The following NELL2 variants were observed in gnomAD, a reference collection of about 807,000 sequenced individuals.
NELL2 encodes the protein protein kinase C-binding protein NELL2.
Under a neutral mutation model 109.6 loss-of-function variants are expected in NELL2, and 41 were observed. The observed-to-expected ratio is 0.37, with a 90% CI of 0.29 to 0.49. The LOEUF is 0.49. Ranked by LOEUF, NELL2 falls within the 20% of genes least tolerant of loss-of-function variation. The pLI, the probability that NELL2 is intolerant of heterozygous loss-of-function variation, is 0.98. For missense variants in NELL2, 900 were observed against 1,008.3 expected, an observed-to-expected ratio of 0.89 and a Z score of 1.45; for synonymous variants, 355 against 344.7, an observed-to-expected ratio of 1.03 and a Z score of -0.33.
intron 13 of NELL2, among the ~76,000 whole-genome samples, chr12:44,619,296 T>A (rs894888438): frequency 6.6e-6 from 1 of 152,148 alleles, no homozygotes; most frequent in Non-Finnish European, 1.5e-5. Flanking sequence ...AAGAAATAAT[T>A]ACTGGACGCT....
chr12:44,673,209 A>T (rs61932372), intron 12 of NELL2, among the ~76,000 whole-genome samples: 1 of 152,244 alleles, frequency 6.6e-6, no homozygotes, highest in African/African-American at 2.4e-5. Flanking sequence ...GCAAAGTTAC[A>T]TAAAAGTCAT....
At chr12:44,851,762 A>T (rs967269168) in intron 2 of NELL2, 2 of 152,162 alleles carry the variant, frequency 1.3e-5, no homozygotes, top group East Asian at 3.9e-4. Context: ...GAAATGGCCT[A>T]TTTCAGTTTC....
intron 9 of NELL2, among the ~76,000 whole-genome samples, chr12:44,772,965 G>A (rs911046828): frequency 6.6e-6 from 1 of 152,054 alleles, no homozygotes; most frequent in Non-Finnish European, 1.5e-5. Flanking sequence ...CATGTTTATT[G>A]GGAAGAATTC....
intron 13 of NELL2, among the ~76,000 whole-genome samples, chr12:44,636,899 G>A (rs1177766511): frequency 1.3e-5 from 2 of 151,978 alleles, no homozygotes; most frequent in Non-Finnish European, 2.9e-5. Context: ...TTTTTGCTTG[G>A]TAGGCTATTA....
chr12:44,812,258 T>C (rs1250011778), intron 3 of NELL2, among the ~76,000 whole-genome samples: 1 of 152,126 alleles, frequency 6.6e-6, no homozygotes, highest in African/African-American at 2.4e-5. Context: ...ACCAAGAAAG[T>C]GTCTCCAAAG....
intron 3 of NELL2, among the ~76,000 whole-genome samples, chr12:44,796,086 C>T (rs1942610084): frequency 2.0e-5 from 3 of 151,962 alleles, no homozygotes; most frequent in African/African-American, 4.8e-5. Context: ...CCCTCCCCAT[C>T]CAAAGAGGAT....
chr12:44,860,066 A>G (rs884260), intron 2 of NELL2, among the ~76,000 whole-genome samples: 121,455 of 152,124 alleles, frequency 0.8, 48,937 homozygotes, highest in Middle Eastern at 0.94. Flanking sequence ...TTTGAAAAAA[A>G]AATACAATAA....
intron 13 of NELL2, among the ~76,000 whole-genome samples, chr12:44,650,742 G>C (rs1003650333): frequency 1.5e-5 from 2 of 136,998 alleles, no homozygotes; most frequent in Admixed American, 1.5e-4. Context: ...AGAGATACCA[G>C]AGAGGTCTCT....
intron 15 of NELL2, among the ~76,000 whole-genome samples, chr12:44,591,818 T>C (rs562111024): frequency 2.0e-5 from 3 of 152,314 alleles, no homozygotes; most frequent in East Asian, 3.9e-4. Context: ...GATATGCTAA[T>C]TACCTGATTT....
chr12:44,549,675 A>T (rs190000135), intron 15 of NELL2, among the ~76,000 whole-genome samples: 1 of 152,298 alleles, frequency 6.6e-6, no homozygotes, highest in East Asian at 1.9e-4. Flanking sequence ...CAATAGCATC[A>T]AAAAGAATAA....
At chr12:44,870,560 G>A (rs187416968) in intron 2 of NELL2, among the ~76,000 whole-genome samples, 2 of 152,226 alleles carry the variant, frequency 1.3e-5, no homozygotes, top group Admixed American at 1.3e-4. Flanking sequence ...TAAAATCAAG[G>A]TATCAGTAGC....
At chr12:44,686,734 A>C (rs1032785155) in intron 12 of NELL2, among the ~76,000 whole-genome samples, 6 of 152,064 alleles carry the variant, frequency 3.9e-5, no homozygotes, top group Admixed American at 3.9e-4. Context: ...CTCGGGGGTC[A>C]GGGGTCAGGG....
intron 2 of NELL2, among the ~76,000 whole-genome samples, chr12:44,829,983 C>A (rs1348826894): frequency 6.6e-6 from 1 of 152,060 alleles, no homozygotes; most frequent in African/African-American, 2.4e-5. Flanking sequence ...AAAAAATGTT[C>A]TTTCAAAAAA....
At position 44,664,401 on chromosome 12, in the gene NELL2, T is replaced by A. The variant is rs560167627; in HGVS notation, c.1444+1083A>T. On this transcript the variant is annotated intron_variant, in intron 13 of 19. Transcript: ENST00000429094. Reference sequence around the variant, plus strand: ...CACTTCTCATTCTTTTTGAATGCCATCATTTTGTTTTTATAAATACTATAT... The same window carrying A: ...CACTTCTCATTCTTTTTGAATGCCAACATTTTGTTTTTATAAATACTATAT... Among the ~76,000 whole-genome samples, 6 of 152,192 alleles carry A rather than the reference T, an allele frequency of 3.9e-5. No homozygotes were observed. In the South Asian group the frequency reaches 1.2e-3, roughly 32 times the overall value.
At chr12:44,784,083 T>C (rs1218903715) in intron 3 of NELL2, among the ~76,000 whole-genome samples, 1 of 152,146 alleles carries the variant, frequency 6.6e-6, no homozygotes. Flanking sequence ...TATTGACTTA[T>C]GCAGAAAAAG....
intron 13 of NELL2, among the ~76,000 whole-genome samples, chr12:44,654,452 C>G (rs893021852): frequency 2.6e-5 from 4 of 152,200 alleles, no homozygotes; most frequent in African/African-American, 9.7e-5. Context: ...CCTCTGATAT[C>G]TATCTCCTGC....
intron 1 of NELL2, among the ~76,000 whole-genome samples, chr12:44,881,499 A>C (rs1807422311): frequency 6.6e-6 from 1 of 152,028 alleles, no homozygotes; most frequent in African/African-American, 2.4e-5. Flanking sequence ...ATAAACAAAC[A>C]AAAATCATTA....
At chr12:44,889,779 C>T (rs1273665204) in intron 1 of NELL2, among the ~76,000 whole-genome samples, 4 of 152,048 alleles carry the variant, frequency 2.6e-5, no homozygotes, top group South Asian at 2.1e-4. Context: ...CCTCTGCTAC[C>T]GTCAAAAATA....
intron 3 of NELL2, among the ~76,000 whole-genome samples, chr12:44,784,028 CA>C (rs1384228295): frequency 2.6e-5 from 4 of 152,052 alleles, no homozygotes; most frequent in African/African-American, 9.7e-5. Flanking sequence ...ATTTGAAAAT[CA>C]ATCCATTATA....
Sources: gnomAD v4.1 joint callset for allele counts (sites outside exome capture counted in the v4.1 genomes callset) on GRCh38, gnomAD v4.1.1 for gene constraint, MANE v1.5 for transcripts, NCBI Gene and HGNC (gene_info 2026-07-23, HGNC 2026-07-21) for gene names.